GRM8: variants seen among roughly 807,000 people sequenced by gnomAD.
The protein encoded by GRM8 is metabotropic glutamate receptor 8.
Under a neutral mutation model 87.2 loss-of-function variants are expected in GRM8, and 47 were observed. The observed-to-expected ratio is 0.54, with a 90% CI of 0.43 to 0.69. The LOEUF (loss-of-function observed/expected upper bound fraction) is 0.69. Among genes scored for constraint, GRM8 ranks in the 30% least tolerant of loss-of-function variants. The pLI is 0.00. For missense variants in GRM8, 1,019 were observed against 1,139.2 expected, an observed-to-expected ratio of 0.89 and a Z score of 1.52; for synonymous variants, 396 against 404.5, an observed-to-expected ratio of 0.98 and a Z score of 0.25.
intron 3 of GRM8, among the ~76,000 whole-genome samples, chr7:127,085,225 G>C (rs1445546586): frequency 1.3e-5 from 2 of 152,168 alleles, no homozygotes; most frequent in East Asian, 3.9e-4. Context: ...ATGGACATTT[G>C]GGTTGGTTCC....
At chr7:127,231,012 T>G (rs559804362) in intron 2 of GRM8, among the ~76,000 whole-genome samples, 1 of 152,300 alleles carries the variant, frequency 6.6e-6, no homozygotes, top group South Asian at 2.1e-4. Context: ...TTTTACAGGA[T>G]TTTGGTCATT....
At chr7:126,744,498 A>T (rs926748099) in intron 7 of GRM8, among the ~76,000 whole-genome samples, 1 of 152,058 alleles carries the variant, frequency 6.6e-6, no homozygotes, top group Non-Finnish European at 1.5e-5. Flanking sequence ...ATGTTTTGTT[A>T]TTATACAATA....
At chr7:126,846,614 A>G (rs1419049243) in intron 6 of GRM8, among the ~76,000 whole-genome samples, 2 of 152,236 alleles carry the variant, frequency 1.3e-5, no homozygotes, top group African/African-American at 4.8e-5. Context: ...TATTCAAAAA[A>G]TTCAATAAGA....
At chr7:126,557,696 A>G (rs1793295399) in intron 8 of GRM8, among the ~76,000 whole-genome samples, 1 of 152,146 alleles carries the variant, frequency 6.6e-6, no homozygotes, top group Non-Finnish European at 1.5e-5. Context: ...ATTCATTGTC[A>G]TATCTTATTC....
At chr7:126,754,619 T>C (rs1372736294) in intron 7 of GRM8, among the ~76,000 whole-genome samples, 1 of 151,936 alleles carries the variant, frequency 6.6e-6, no homozygotes, top group African/African-American at 2.4e-5. Flanking sequence ...AGAAAACATA[T>C]CCTTTCTTTA....
intron 8 of GRM8, among the ~76,000 whole-genome samples, chr7:126,593,729 A>G (rs1478324164): frequency 1.3e-5 from 2 of 152,078 alleles, no homozygotes; most frequent in Non-Finnish European, 2.9e-5. Flanking sequence ...ACAGAAAACA[A>G]AAGCAAAAAT....
intron 3 of GRM8, among the ~76,000 whole-genome samples, chr7:126,932,113 G>C (rs1314735937): frequency 6.6e-6 from 1 of 152,116 alleles, no homozygotes; most frequent in Non-Finnish European, 1.5e-5. Flanking sequence ...ATCTCTAAAA[G>C]ATGGCCATAA....
chr7:126,933,800 T>C (rs991040628), intron 3 of GRM8, among the ~76,000 whole-genome samples: 1 of 152,186 alleles, frequency 6.6e-6, no homozygotes, highest in African/African-American at 2.4e-5. Context: ...GGTAACATCA[T>C]CCATGGACCC....
intron 7 of GRM8, among the ~76,000 whole-genome samples, chr7:126,727,382 A>C (rs1188084076): frequency 2.0e-5 from 3 of 152,058 alleles, no homozygotes; most frequent in Non-Finnish European, 4.4e-5. Flanking sequence ...AGAATAATGT[A>C]AGATTTTTAA....
At chr7:126,687,372 C>T (rs1357587391) in intron 7 of GRM8, among the ~76,000 whole-genome samples, 1 of 152,146 alleles carries the variant, frequency 6.6e-6, no homozygotes, top group East Asian at 1.9e-4. Context: ...ATCTGCTAGG[C>T]CACTTTTGAG....
chr7:127,004,188 T>A (rs1814030348), intron 3 of GRM8, among the ~76,000 whole-genome samples: 1 of 151,700 alleles, frequency 6.6e-6, no homozygotes, highest in South Asian at 2.1e-4. Context: ...ACAAATACTT[T>A]AATAAAATGA....
At chr7:126,951,695 G>C (rs1808180539) in intron 3 of GRM8, among the ~76,000 whole-genome samples, 1 of 151,886 alleles carries the variant, frequency 6.6e-6, no homozygotes, top group Non-Finnish European at 1.5e-5. Context: ...GTGTTCACTA[G>C]AATCAAACAA....
intron 3 of GRM8, among the ~76,000 whole-genome samples, chr7:126,993,103 T>C (rs1812834335): frequency 1.3e-5 from 2 of 152,194 alleles, no homozygotes; most frequent in South Asian, 2.1e-4. Flanking sequence ...AAATTTAAGA[T>C]ACGAATTCAC....
At chr7:127,015,248 AAGAAGAAGAAGAAAAGAGAGAG>A (rs1815525979) in intron 3 of GRM8, among the ~76,000 whole-genome samples, 1 of 125,342 alleles carries the variant, frequency 8.0e-6, no homozygotes, top group Non-Finnish European at 1.7e-5. Flanking sequence ...GAAGAAGAAG[AAGAAGAAGAAGAAAAGAGAGAG>A]AGAGAGAGAG....
intron 6 of GRM8, among the ~76,000 whole-genome samples, chr7:126,791,772 C>T (rs1821363325): frequency 6.6e-6 from 1 of 152,146 alleles, no homozygotes. Context: ...TTTAAAAATG[C>T]AACCCTAAAA....
intron 3 of GRM8, among the ~76,000 whole-genome samples, chr7:126,993,813 C>T (rs1160785351): frequency 2.0e-5 from 3 of 152,162 alleles, no homozygotes; most frequent in Non-Finnish European, 4.4e-5. Context: ...AGAGGAAGTG[C>T]CCATCTCAAT....
intron 2 of GRM8, among the ~76,000 whole-genome samples, chr7:127,177,653 AT>A (rs1412068369): frequency 6.6e-6 from 1 of 152,188 alleles, no homozygotes; most frequent in Non-Finnish European, 1.5e-5. Flanking sequence ...TGAGAGACCC[AT>A]AGATGGTTCA....
At chr7:126,499,861 T>C (rs1483544578) in intron 9 of GRM8, among the ~76,000 whole-genome samples, 1 of 151,860 alleles carries the variant, frequency 6.6e-6, no homozygotes, top group Admixed American at 6.6e-5. Flanking sequence ...GTTCTAGTGA[T>C]TTACTGCACA....
intron 7 of GRM8, among the ~76,000 whole-genome samples, chr7:126,666,626 G>T: frequency 6.6e-6 from 1 of 151,880 alleles, no homozygotes; most frequent in Non-Finnish European, 1.5e-5. Context: ...GCTTAAGCAA[G>T]ATAGTGGCAA....
Sources: gnomAD v4.1 joint callset for allele counts (sites outside exome capture counted in the v4.1 genomes callset) on GRCh38, gnomAD v4.1.1 for gene constraint, MANE v1.5 for transcripts, NCBI Gene and HGNC (gene_info 2026-07-23, HGNC 2026-07-21) for gene names.